The following NKAIN3 variants were observed in gnomAD, a reference collection of about 807,000 sequenced individuals.
NKAIN3 encodes the protein sodium/potassium transporting ATPase interacting 3, also known as sodium/potassium-transporting ATPase subunit beta-1-interacting protein 3.
NKAIN3 carries 25 observed loss-of-function variants against 30.2 expected under a neutral mutation model. The ratio of observed to expected loss-of-function variants is 0.83; its 90% confidence interval spans 0.60 to 1.16. The LOEUF (loss-of-function observed/expected upper bound fraction) is 1.16. NKAIN3 is among the 50% of genes most tolerant of loss of function. NKAIN3 has a pLI of 0.00. For synonymous variants in NKAIN3, 91 were observed against 89.6 expected (o/e 1.02, Z -0.09); for missense variants, 225 against 254.1 (o/e 0.89, Z 0.78).
intron 4 of NKAIN3, among the ~76,000 whole-genome samples, chr8:62,881,152 G>T: frequency 6.6e-6 from 1 of 152,136 alleles, no homozygotes; most frequent in Non-Finnish European, 1.5e-5. Flanking sequence ...GTTCACTCTG[G>T]CATTTACATT....
At chr8:62,758,182 A>C (rs760701349) in intron 4 of NKAIN3, among the ~76,000 whole-genome samples, 1 of 151,548 alleles carries the variant, frequency 6.6e-6, no homozygotes, top group Non-Finnish European at 1.5e-5. Context: ...CTGTTAAAAA[A>C]CAAAACAAAA....
chr8:62,387,249 A>G (rs953798576), intron 1 of NKAIN3, among the ~76,000 whole-genome samples: 1 of 152,080 alleles, frequency 6.6e-6, no homozygotes, highest in Non-Finnish European at 1.5e-5. Context: ...CGTGGGCCAC[A>G]TGGTAAAAGG....
Position 62,870,745 on chromosome 8 carries a change from A to C in NKAIN3, c.472-47708A>C, listed in dbSNP as rs938086011. Among the ~76,000 whole-genome samples, 29 of 141,502 alleles carry C rather than the reference A, an allele frequency of 2.0e-4. 1 individual carries two copies. Among genetic ancestry groups the C allele is most frequent in the African/African-American group, 7.6e-4 (28 of 36,754 alleles). The allele number at this position is 141,502 out of a possible 152,430, so 92.8% of individuals were successfully genotyped here. A position where few individuals can be genotyped will look rare whatever the true frequency, so the allele number is the denominator to read the frequency against. ...TATATCTATATATCTATATATATCTAGATATCTAGATATATAGATATATAT... is the reference window on the plus strand; with the variant it reads ...TATATCTATATATCTATATATATCTCGATATCTAGATATATAGATATATAT... On this transcript the variant is annotated intron_variant, in intron 4 of 6. Coordinates refer to ENST00000623646, the MANE Select transcript of NKAIN3 (RefSeq NM_001304533.3).
intron 3 of NKAIN3, among the ~76,000 whole-genome samples, chr8:62,690,515 A>C (rs187521201): frequency 2.6e-5 from 4 of 152,328 alleles, no homozygotes; most frequent in Admixed American, 6.5e-5. Flanking sequence ...AGTTTTCCAA[A>C]TTCGTCACTG....
At chr8:62,707,122 CATTG>C (rs1243467537) in intron 3 of NKAIN3, among the ~76,000 whole-genome samples, 3 of 151,780 alleles carry the variant, frequency 2.0e-5, no homozygotes, top group African/African-American at 7.3e-5. Context: ...CTTATCCACT[CATTG>C]ATTGATGAGC....
At chr8:62,511,097 C>A (rs1807801603) in intron 1 of NKAIN3, among the ~76,000 whole-genome samples, 1 of 152,160 alleles carries the variant, frequency 6.6e-6, no homozygotes. Context: ...CTTGGATCTG[C>A]CTCCCCACAC....
chr8:62,481,692 T>G (rs888496870), intron 1 of NKAIN3, among the ~76,000 whole-genome samples: 2 of 152,134 alleles, frequency 1.3e-5, no homozygotes, highest in African/African-American at 4.8e-5. Context: ...AACCAAGACT[T>G]AAAAATAATT....
intron 5 of NKAIN3, chr8:62,990,847 T>A (rs902409996): frequency 2.0e-5 from 3 of 152,170 alleles, no homozygotes; most frequent in African/African-American, 7.2e-5. Context: ...TAAATTTACA[T>A]TATAGTGCCA....
intron 1 of NKAIN3, among the ~76,000 whole-genome samples, chr8:62,412,909 C>A (rs1202189481): frequency 1.3e-3 from 127 of 97,850 alleles, no homozygotes; most frequent in South Asian, 2.1e-3. Flanking sequence ...GAGACTCCGT[C>A]AAAAAAAAAA....
At position 62,973,513 on chromosome 8, in the gene NKAIN3, TG is replaced by T. The variant is rs1823878285; in HGVS notation, c.*8107del. Among the ~76,000 whole-genome samples, 3 of 152,190 alleles carry T rather than the reference TG, an allele frequency of 2.0e-5. No individual in the cohort carries two copies. The highest frequency in any genetic ancestry group is 6.5e-5 in the Admixed American group (1 of 15,280). Reference sequence around the variant, plus strand: ...TCCTTAACCCACTTTTTGATGGAGTTGTTTTTTTTCTTGTAAATTTGTTTAA... The same window carrying T: ...TCCTTAACCCACTTTTTGATGGAGTTTTTTTTTTCTTGTAAATTTGTTTAA... On this transcript the variant is annotated 3_prime_UTR_variant, in exon 7 of 7. Coordinates refer to ENST00000623646, the MANE Select transcript of NKAIN3 (RefSeq NM_001304533.3).
chr8:62,402,958 C>T (rs1803934671), intron 1 of NKAIN3, among the ~76,000 whole-genome samples: 1 of 152,108 alleles, frequency 6.6e-6, no homozygotes, highest in Non-Finnish European at 1.5e-5. Context: ...GCTCAGAAGA[C>T]AGGAAGATGT....
At chr8:62,913,007 C>A (rs1346907984) in intron 4 of NKAIN3, among the ~76,000 whole-genome samples, 1 of 152,156 alleles carries the variant, frequency 6.6e-6, no homozygotes, top group Non-Finnish European at 1.5e-5. Context: ...ATATCACTGT[C>A]TTCTCCATCC....
intron 3 of NKAIN3, among the ~76,000 whole-genome samples, chr8:62,741,973 C>T (rs1815914163): frequency 6.6e-6 from 1 of 152,112 alleles, no homozygotes. Context: ...CCCTCTTCTT[C>T]CTTATTCTAC....
intron 3 of NKAIN3, among the ~76,000 whole-genome samples, chr8:62,744,603 A>C (rs1816008156): frequency 6.6e-6 from 1 of 152,202 alleles, no homozygotes; most frequent in South Asian, 2.1e-4. Context: ...ATGAGAAATA[A>C]TGTATAGTTC....
chr8:62,533,075 TAAATC>T (rs1808536435), intron 1 of NKAIN3, among the ~76,000 whole-genome samples: 1 of 152,012 alleles, frequency 6.6e-6, no homozygotes, highest in South Asian at 2.1e-4. Flanking sequence ...ACAACAGAAA[TAAATC>T]AGATACATAC....
chr8:62,635,150 A>T (rs970726541), intron 3 of NKAIN3, among the ~76,000 whole-genome samples: 17 of 152,152 alleles, frequency 1.1e-4, no homozygotes, highest in Non-Finnish European at 2.5e-4. Context: ...ACTGCATCCG[A>T]AGAATAAAAA....
chr8:62,990,471 A>G (rs1301751208), intron 5 of NKAIN3: 1 of 627,348 alleles, frequency 1.6e-6, no homozygotes, highest in Non-Finnish European at 2.1e-6. Context: ...TTTGTATAAA[A>G]TGTTATAAAT....
chr8:62,437,491 G>A (rs1166310982), intron 1 of NKAIN3, among the ~76,000 whole-genome samples: 1 of 152,198 alleles, frequency 6.6e-6, no homozygotes, highest in Non-Finnish European at 1.5e-5. Flanking sequence ...AAGGTTGACT[G>A]AAGACTGGTC....
chr8:62,547,804 TG>T (rs2096020939), intron 1 of NKAIN3, among the ~76,000 whole-genome samples: 1 of 152,192 alleles, frequency 6.6e-6, no homozygotes, highest in Non-Finnish European at 1.5e-5. Context: ...GCACACAATG[TG>T]GCATGCTATG....
Sources: allele counts gnomAD v4.1 joint callset (sites outside exome capture counted in the v4.1 genomes callset), GRCh38; gene constraint gnomAD v4.1.1; transcripts MANE v1.5; gene names NCBI Gene and HGNC (gene_info 2026-07-23, HGNC 2026-07-21).